The following DPYD variants were observed in gnomAD, a reference collection of about 807,000 sequenced individuals.
DPYD encodes dihydropyrimidine dehydrogenase [NADP(+)].
Under a neutral mutation model 116.2 loss-of-function variants are expected in DPYD, and 109 were observed. That is an observed-to-expected ratio of 0.94 (90% CI 0.80 to 1.10). The LOEUF (loss-of-function observed/expected upper bound fraction) is 1.10. Among genes scored for constraint, DPYD ranks in the 50% least tolerant of loss-of-function variants. DPYD has a pLI of 0.00. For missense variants in DPYD, 1,302 were observed against 1,254.5 expected (o/e 1.04, Z -0.57); for synonymous variants, 440 against 432.0 (o/e 1.02, Z -0.23).
At chr1:97,674,313 G>T (rs1334132258) in intron 8 of DPYD, among the ~76,000 whole-genome samples, 1 of 152,126 alleles carries the variant, frequency 6.6e-6, no homozygotes, top group African/African-American at 2.4e-5. Context: ...TGTCTACTGT[G>T]ACTATTATAA....
chr1:97,272,407 T>C (rs907505674), intron 18 of DPYD, among the ~76,000 whole-genome samples: 1 of 152,134 alleles, frequency 6.6e-6, no homozygotes, highest in Non-Finnish European at 1.5e-5. Context: ...CCGTCTGAAT[T>C]GTCCTGACAA....
chr1:97,317,300 C>A (rs1221341371), intron 16 of DPYD, among the ~76,000 whole-genome samples: 1 of 151,922 alleles, frequency 6.6e-6, no homozygotes, highest in Admixed American at 6.6e-5. Flanking sequence ...TTTCCTGATA[C>A]CACCAGTAGG....
chr1:97,586,465 CATAT>C (rs57301424), intron 10 of DPYD, among the ~76,000 whole-genome samples: 1,412 of 33,866 alleles, frequency 0.042, 25 homozygotes, highest in Non-Finnish European at 0.052. Flanking sequence ...TACATACATA[CATAT>C]ATATATATAT....
In DPYD at chr1:97,175,162, A is replaced by G. The variant is rs192003966; in HGVS notation, c.2622+17907T>C. Among the ~76,000 whole-genome samples, 462 of 152,166 alleles carry G rather than the reference A, an allele frequency of 3.0e-3. 3 individuals carry two copies. Among genetic ancestry groups the G allele is most frequent in the Non-Finnish European group, 5.3e-3 (361 of 68,032 alleles). ...CATTTTATATACTCATTAGCAATGT[A>G]TGAATTTTCAAGCTGCTCAATATCT... On this transcript the variant is annotated intron_variant, in intron 20 of 22. Transcript: ENST00000370192.
chr1:97,427,895 T>C (rs1191054269), intron 14 of DPYD, among the ~76,000 whole-genome samples: 3 of 152,018 alleles, frequency 2.0e-5, no homozygotes, highest in Admixed American at 2.0e-4. Flanking sequence ...GAATAGAAAA[T>C]AGTATGTATT....
At chr1:97,720,910 A>G in intron 5 of DPYD, 1 of 1,609,964 alleles carries the variant, frequency 6.2e-7, no homozygotes, top group Non-Finnish European at 8.5e-7. Flanking sequence ...CATTAAAGAG[A>G]AAGCCAGGAT....
intron 20 of DPYD, among the ~76,000 whole-genome samples, chr1:97,159,834 C>T (rs1414375591): frequency 6.6e-6 from 1 of 151,726 alleles, no homozygotes; most frequent in African/African-American, 2.4e-5. Flanking sequence ...TAAATTTATC[C>T]ATTAAATAAC....
At chr1:97,227,536 C>G (rs755409591) in intron 19 of DPYD, among the ~76,000 whole-genome samples, 44 of 151,718 alleles carry the variant, frequency 2.9e-4, no homozygotes, top group Non-Finnish European at 5.7e-4. Flanking sequence ...TGTACACCTA[C>G]TATGTACCCA....
rs755049806 is a variant in DPYD, at chr1:97,082,481, C to G, written c.2767-11G>C. 1.2e-6 allele frequency: 2 copies of G among 1,612,982 alleles called. No homozygotes were observed. The highest frequency in any genetic ancestry group is 1.7e-6 in the Non-Finnish European group (2 of 1,179,400). Reference sequence around the variant, plus strand: ...TTTTCCTATTACATCCTAAAAATAGCCACTGAATTACTTAGCAAGCTCATT... The same window carrying G: ...TTTTCCTATTACATCCTAAAAATAGGCACTGAATTACTTAGCAAGCTCATT... On this transcript the variant is annotated splice_polypyrimidine_tract_variant and intron_variant, in intron 21 of 22. Transcript: ENST00000370192.
intron 8 of DPYD, among the ~76,000 whole-genome samples, chr1:97,610,850 A>G (rs1266528803): frequency 6.6e-6 from 1 of 152,026 alleles, no homozygotes; most frequent in African/African-American, 2.4e-5. Context: ...ACATATATCC[A>G]AGTACATTGA....
At chr1:97,592,620 G>A (rs932097825) in intron 10 of DPYD, among the ~76,000 whole-genome samples, 3 of 152,188 alleles carry the variant, frequency 2.0e-5, no homozygotes, top group Non-Finnish European at 4.4e-5. Flanking sequence ...GCCGGCCTCA[G>A]CCTCCCAAAG....
At chr1:97,474,018 AAAAAAAAAAAAAAAGGAAAG>A (rs1557736988) in intron 13 of DPYD, among the ~76,000 whole-genome samples, 1 of 147,708 alleles carries the variant, frequency 6.8e-6, no homozygotes, top group African/African-American at 2.5e-5. Flanking sequence ...ACTGTCTTTA[AAAAAAAAAAAAAAAGGAAAG>A]AAAATGAAAA....
chr1:97,723,468 TAC>T (rs138397078), intron 4 of DPYD, among the ~76,000 whole-genome samples: 1 of 150,964 alleles, frequency 6.6e-6, no homozygotes, highest in African/African-American at 2.4e-5. Context: ...CACACATGCA[TAC>T]ACACACACAC....
chr1:97,874,400 T>A (rs1403152683), intron 2 of DPYD, among the ~76,000 whole-genome samples: 1 of 151,910 alleles, frequency 6.6e-6, no homozygotes, highest in Non-Finnish European at 1.5e-5. Context: ...TCATGAACAT[T>A]TATGCCACTT....
chr1:97,161,728 C>G (rs1465316277), intron 20 of DPYD, among the ~76,000 whole-genome samples: 12 of 114,062 alleles, frequency 1.1e-4, no homozygotes, highest in African/African-American at 3.7e-4. Context: ...CCCCTCCCCC[C>G]ACCCCACAAC....
rs754745863 is a variant in DPYD, at chr1:97,679,174, G to T, written c.771C>A (p.Cys257Ter). The T allele has an allele frequency of 3.3e-5, 52 of 1,552,998 alleles. No homozygotes were observed. Among genetic ancestry groups the T allele is most frequent in the Non-Finnish European group, 4.6e-5 (52 of 1,137,118 alleles). Residue 257 changes from cysteine (C) to a stop codon, truncating the protein, a stop_gained, in exon 8 of 23, where the codon TGC (cysteine) becomes TGA (stop). Coordinates refer to ENST00000370192, the MANE Select transcript of DPYD (RefSeq NM_000110.4). LOFTEE classifies it high-confidence loss of function. ...TTTCATTCACTGAAAGGCTTTTACC[G>T]CAAATTATCTATAAGAAACAATATT... is the stretch of plus-strand genomic sequence containing the variant. ...LMKDLGVKII[C>*]GKSLSVNEMT...
intron 3 of DPYD, among the ~76,000 whole-genome samples, chr1:97,748,672 G>T (rs12048413): frequency 0.99 from 151,528 of 152,322 alleles, 75,370 homozygotes; most frequent in Middle Eastern, 1. Flanking sequence ...TCCTATTAGC[G>T]GGCACATATA....
At chr1:97,299,312 A>C (rs1666726752) in intron 18 of DPYD, among the ~76,000 whole-genome samples, 1 of 152,164 alleles carries the variant, frequency 6.6e-6, no homozygotes, top group Admixed American at 6.6e-5. Flanking sequence ...GAAATTTAAT[A>C]ATTCATTACC....
intron 16 of DPYD, among the ~76,000 whole-genome samples, chr1:97,325,534 T>A (rs992486869): frequency 9.2e-5 from 14 of 152,176 alleles, no homozygotes; most frequent in African/African-American, 3.4e-4. Flanking sequence ...TTTACAGTCT[T>A]CATGGTTTAG....
Sources: gnomAD v4.1 joint callset for allele counts (sites outside exome capture counted in the v4.1 genomes callset) on GRCh38, gnomAD v4.1.1 for gene constraint, MANE v1.5 for transcripts, NCBI Gene and HGNC (gene_info 2026-07-23, HGNC 2026-07-21) for gene names.